The following TRIML2 variants were observed in gnomAD, a reference collection of about 807,000 sequenced individuals.
The protein encoded by TRIML2 is tripartite motif family like 2, also known as probable E3 ubiquitin-protein ligase TRIML2.
A neutral mutation model predicts 31.2 loss-of-function variants in TRIML2; 28 were observed. The ratio of observed to expected loss-of-function variants is 0.90; its 90% CI spans 0.66 to 1.23. The LOEUF (loss-of-function observed/expected upper bound fraction) is 1.23, where lower values mean the gene tolerates loss of function less well. Ranked by LOEUF, TRIML2 falls within the 50% of genes most tolerant of loss-of-function variation. The probability of loss-of-function intolerance (pLI) is 0.00; values close to 1 mark genes in which losing one functional copy is unlikely to be tolerated. For missense variants in TRIML2, 536 were observed against 528.3 expected (o/e 1.01, Z -0.14); for synonymous variants, 187 against 197.5 (o/e 0.95, Z 0.45).
chr4:188,102,803 C>T (rs561741288), intron 3 of TRIML2, among the ~76,000 whole-genome samples: 3 of 148,536 alleles, frequency 2.0e-5, no homozygotes, highest in Admixed American at 6.8e-5. Context: ...GAGCCGAGAT[C>T]GCGTCACTGA....
chr4:188,092,110 T>G (rs563036702), intron 7 of TRIML2, among the ~76,000 whole-genome samples, 169 bp from the exon 8 acceptor site: 1 of 151,968 alleles, frequency 6.6e-6, no homozygotes, highest in African/African-American at 2.4e-5. Context: ...AACTTCAATA[T>G]GGACCTCATG....
rs140187630 is a variant in TRIML2, at chr4:188,098,114, C to T, written c.622-768G>A. 225 of 276,228 alleles carry T rather than the reference C, an allele frequency of 8.1e-4. 1 individual carries two copies. Among genetic ancestry groups the T allele is most frequent in the African/African-American group, 5.4e-3 (212 of 39,292 alleles). 17.1% of individuals were successfully genotyped at this position (276,228 alleles called of 1,614,324 possible). A position where few individuals can be genotyped will look rare whatever the true frequency, so the allele number is the denominator to read the frequency against. On this transcript the variant is annotated intron_variant, in intron 5 of 7. Transcript: ENST00000682553. ...CAGCCTGGGAGATAGAGCGAGACTCCGTCTCGGGGAAAAAAAAAAAAAAAA... is the reference window on the plus strand; with the variant it reads ...CAGCCTGGGAGATAGAGCGAGACTCTGTCTCGGGGAAAAAAAAAAAAAAAA...
rs560124660 is a variant in TRIML2, at chr4:188,103,243, G to GC, written c.285+1593dup. 1.7e-3 allele frequency among the ~76,000 whole-genome samples: 254 copies of GC among 151,928 alleles called. 3 individuals carry two copies. The highest frequency in any genetic ancestry group is 5.7e-3 in the African/African-American group (235 of 41,460). On this transcript the variant is annotated intron_variant, in intron 3 of 7. Transcript: ENST00000682553. ...TCTCGATCTCCTGACCTCGTGATCC[G>GC]CCCGCCTCGGCCTCCCAAAGTGCTG... is the stretch of plus-strand genomic sequence containing the variant.
chr4:188,099,014 T>A, intron 5 of TRIML2, 21 bp downstream of exon 5: 1 of 1,613,482 alleles, frequency 6.2e-7, no homozygotes, highest in East Asian at 2.2e-5. Context: ...GAATTTTATT[T>A]TCTTTTTCCC....
chr4:188,107,314 T>A (rs1196720922), intron 1 of TRIML2, among the ~76,000 whole-genome samples: 1 of 152,170 alleles, frequency 6.6e-6, no homozygotes, highest in Non-Finnish European at 1.5e-5. Context: ...GCCTGGCTTG[T>A]TTTTATTATT....
intron 7 of TRIML2, among the ~76,000 whole-genome samples, chr4:188,096,424 T>TG (rs1052891177): frequency 4.2e-5 from 6 of 142,494 alleles, no homozygotes; most frequent in Non-Finnish European, 3.0e-5. Context: ...CCCAGCTACT[T>TG]GGGAGGCCGA....
rs1734146986 is a variant in TRIML2 at position 188,109,226 on chromosome 4, G to T, written c.-223+17C>A. ...ACAATTATTAAGAAAATGATCTATAGAGAAAATCTCACTTACTTTCTTTGT... is the reference window on the plus strand; with the variant it reads ...ACAATTATTAAGAAAATGATCTATATAGAAAATCTCACTTACTTTCTTTGT... On this transcript the variant is annotated intron_variant, in intron 1 of 7. Transcript: ENST00000682553. The T allele has an allele frequency of 6.8e-6, 1 of 147,850 alleles. No individual in the cohort carries two copies. The allele number at this position is 147,850 out of a possible 1,614,324, so 9.2% of individuals were successfully genotyped here.
chr4:188,106,432 T>A (rs981932313), intron 1 of TRIML2: 7 of 152,262 alleles, frequency 4.6e-5, no homozygotes, highest in African/African-American at 7.2e-5. Flanking sequence ...AATAATTGTT[T>A]CCGAAATAAA....
intron 1 of TRIML2, among the ~76,000 whole-genome samples, chr4:188,108,377 T>A (rs1167965451): frequency 6.6e-6 from 1 of 152,188 alleles, no homozygotes; most frequent in African/African-American, 2.4e-5. Flanking sequence ...TCCCCCAAAC[T>A]CATTCCTTTA....
At chr4:188,100,203 G>C (rs917240370) in intron 4 of TRIML2, among the ~76,000 whole-genome samples, 2 of 152,100 alleles carry the variant, frequency 1.3e-5, no homozygotes, top group African/African-American at 2.4e-5. Context: ...TGTTATAATT[G>C]TAACATCTGC....
Position 188,104,940 on chromosome 4 carries a change from G to A in TRIML2, c.190-8C>T. 1 of 1,607,504 alleles carries A rather than the reference G, an allele frequency of 6.2e-7. No homozygotes were observed. The highest frequency in any genetic ancestry group is 1.1e-5 in the South Asian group (1 of 90,900). ...TATTTCCTGGAATAACTTCTATAGA[G>A]AAAGCACAGAATTCCAGGTGAGATC... On this transcript the variant is annotated splice_polypyrimidine_tract_variant and splice_region_variant and intron_variant, in intron 2 of 7. Coordinates refer to ENST00000682553, the MANE Select transcript of TRIML2 (RefSeq NM_173553.4).
rs114695684 is a variant in TRIML2 at position 188,099,106 on chromosome 4, C to A, written c.550G>T (p.Val184Phe). 1.2e-6 allele frequency: 2 copies of A among 1,614,104 alleles called. No homozygotes were observed. Among genetic ancestry groups the A allele is most frequent in the Non-Finnish European group, 1.7e-6 (2 of 1,180,004 alleles). The change falls in exon 5 of 8, where the codon GTC (valine) becomes TTC (phenylalanine). Residue 184 changes from valine (V) to phenylalanine (F), a missense_variant. Coordinates refer to ENST00000682553, the MANE Select transcript of TRIML2 (RefSeq NM_173553.4). ...ACGATGAGCTTTAGGAGGCTGCGGA[C>A]CTGTTCAGAAGCCCTGGCTTCACTC... ...KESEARASEQ[V>F]RSLLKLIVEL...
Position 188,101,231 on chromosome 4 carries a change from T to A in TRIML2, c.305A>T (p.Lys102Ile), listed in dbSNP as rs1174378325. ...AMIQEEEQNF[K>I]KMIESEYSMR... ...ACTATACTCAGACTCAATCATCTTT[T>A]TAAAATTTTGTTCCTCTTCCTTCCT... The change falls in exon 4 of 8, where the codon AAA becomes ATA. Residue 102 changes from lysine (K) to isoleucine (I), a missense_variant. Transcript: ENST00000682553. The A allele has an allele frequency of 1.2e-5, 19 of 1,611,046 alleles. No homozygotes were observed. Among genetic ancestry groups the A allele is most frequent in the Non-Finnish European group, 1.5e-5 (18 of 1,179,398 alleles).
intron 1 of TRIML2, among the ~76,000 whole-genome samples, chr4:188,108,465 C>G (rs986797020): frequency 1.3e-5 from 2 of 152,126 alleles, no homozygotes; most frequent in African/African-American, 4.8e-5. Flanking sequence ...CCTCCTCGTC[C>G]ATCTCCAGCT....
chr4:188,092,877 C>T (rs527278942), intron 7 of TRIML2: 1 of 456,644 alleles, frequency 2.2e-6, no homozygotes, highest in African/African-American at 2.0e-5. Flanking sequence ...TCTTTCTGCC[C>T]AGCCTCTAAC....
In TRIML2 at chr4:188,091,331, A is replaced by G. The variant is rs2111147585; in HGVS notation, c.*42T>C. On this transcript the variant is annotated 3_prime_UTR_variant, in exon 8 of 8. Coordinates refer to ENST00000682553, the MANE Select transcript of TRIML2 (RefSeq NM_173553.4). ...AATTCTTTCAAAGTCTTGTTCTCCA[A>G]CTTTCTGGTGTCTCGTGGTCTTGGA... 2 of 1,563,508 alleles carry G rather than the reference A, an allele frequency of 1.3e-6. No individual in the cohort carries two copies. Among genetic ancestry groups the G allele is most frequent in the Non-Finnish European group, 1.7e-6 (2 of 1,150,136 alleles).
intron 3 of TRIML2, 34 bp from the exon 4 acceptor site, chr4:188,101,284 A>C (rs1733776553): frequency 7.0e-7 from 1 of 1,431,804 alleles, no homozygotes; most frequent in African/African-American, 1.4e-5. Flanking sequence ...CTTCAGGTTA[A>C]ACATGATAGA....
intron 7 of TRIML2, 108 bp from the exon 8 acceptor site, chr4:188,092,049 GC>G: frequency 1.7e-6 from 2 of 1,169,118 alleles, no homozygotes; most frequent in Non-Finnish European, 2.4e-6. Context: ...CAAGTCCCAG[GC>G]CCAGATACGG....
At chr4:188,102,983 C>T (rs932407265) in intron 3 of TRIML2, among the ~76,000 whole-genome samples, 5 of 151,410 alleles carry the variant, frequency 3.3e-5, no homozygotes, top group African/African-American at 4.9e-5. Flanking sequence ...CACGTCTCTC[C>T]ACCTCTGCTT....
Sources: gnomAD v4.1 joint callset for allele counts (sites outside exome capture counted in the v4.1 genomes callset) on GRCh38, gnomAD v4.1.1 for gene constraint, MANE v1.5 for transcripts, NCBI Gene and HGNC (gene_info 2026-07-23, HGNC 2026-07-21) for gene names.